The following NBEA variants were observed in gnomAD, a reference collection of about 807,000 sequenced individuals.
NBEA encodes lysosomal-trafficking regulator 2.
Under a neutral mutation model 343.4 loss-of-function variants are expected in NBEA, and 44 were observed. The ratio of observed to expected loss-of-function variants is 0.13; its 90% CI spans 0.10 to 0.16. NBEA has a LOEUF of 0.16. NBEA is among the 10% of genes least tolerant of loss of function. The pLI, the probability that NBEA is intolerant of heterozygous loss-of-function variation, is 1.00. For synonymous variants in NBEA, 1,175 were observed against 1,238.7 expected, an observed-to-expected ratio of 0.95 and a Z score of 1.08; for missense variants, 2,555 against 3,631.3, an observed-to-expected ratio of 0.70 and a Z score of 7.62.
Position 35,195,947 on chromosome 13 carries a change from C to A in NBEA, c.5011C>A (p.Pro1671Thr), listed in dbSNP as rs772827699. ...AGATATTCAGGTAGAAAGTTCAATT[C>A]CCCATACAGATTCAGGAATTGGAGA... ...GEDIQVESSIPHTDSGIGEEQ... is the reference protein window; with the variant it reads ...GEDIQVESSITHTDSGIGEEQ... The change falls in exon 31 of 59, where the codon CCC becomes ACC. Residue 1671 changes from proline (P) to threonine (T), a missense_variant. Pro to Thr is a conservative substitution (Grantham distance 38). This residue lies in a region of NBEA where 270 missense variants were observed against 293.3 expected (regional missense o/e 0.92). Coordinates refer to ENST00000379939, the MANE Select transcript of NBEA (RefSeq NM_001385012.1). The A allele has an allele frequency of 3.1e-6, 5 of 1,613,468 alleles. No individual in the cohort carries two copies. The South Asian group carries it at 4.4e-5, about 14-fold the overall frequency.
chr13:35,130,453 A>G (rs2067356145), intron 17 of NBEA, among the ~76,000 whole-genome samples: 1 of 152,086 alleles, frequency 6.6e-6, no homozygotes, highest in Admixed American at 6.6e-5. Context: ...ATATATAAAA[A>G]TAAACTTTAA....
At chr13:35,063,413 T>A (rs1395078192) in intron 8 of NBEA, among the ~76,000 whole-genome samples, 1 of 151,896 alleles carries the variant, frequency 6.6e-6, no homozygotes, top group African/African-American at 2.4e-5. Context: ...GCTAGCCAAG[T>A]GGATATACGG....
At chr13:35,640,571 T>G (rs533531456) in intron 49 of NBEA, among the ~76,000 whole-genome samples, 1 of 152,326 alleles carries the variant, frequency 6.6e-6, no homozygotes, top group Admixed American at 6.5e-5. Context: ...GGGACTCCCA[T>G]GAAGATGTCA....
At chr13:35,362,585 G>A (rs2040871847) in intron 38 of NBEA, among the ~76,000 whole-genome samples, 1 of 151,892 alleles carries the variant, frequency 6.6e-6, no homozygotes, top group East Asian at 1.9e-4. Flanking sequence ...CAGTAACACC[G>A]TGAGATCTAA....
chr13:35,246,477 C>G (rs1228744490), intron 34 of NBEA, among the ~76,000 whole-genome samples: 1 of 152,184 alleles, frequency 6.6e-6, no homozygotes, highest in Non-Finnish European at 1.5e-5. Flanking sequence ...CCACGCGGTG[C>G]TCCCTTGATG....
chr13:35,343,213 T>G (rs1458212479), intron 36 of NBEA, among the ~76,000 whole-genome samples: 3 of 152,044 alleles, frequency 2.0e-5, no homozygotes, highest in Non-Finnish European at 4.4e-5. Context: ...CATCCTAAAT[T>G]CATGTATTTC....
chr13:35,670,031 T>C (rs2085535301), intron 58 of NBEA, among the ~76,000 whole-genome samples: 1 of 152,228 alleles, frequency 6.6e-6, no homozygotes, highest in Non-Finnish European at 1.5e-5. Context: ...TTTAACCTCA[T>C]CCTTGGTTTT....
intron 33 of NBEA, among the ~76,000 whole-genome samples, chr13:35,219,857 A>G (rs529053438): frequency 2.6e-5 from 4 of 152,216 alleles, no homozygotes; most frequent in African/African-American, 9.6e-5. Flanking sequence ...CATATCTTCA[A>G]CTGACTAGAT....
chr13:35,257,721 T>G (rs1421710203), intron 34 of NBEA, among the ~76,000 whole-genome samples: 2 of 152,210 alleles, frequency 1.3e-5, no homozygotes, highest in Non-Finnish European at 2.9e-5. Context: ...ATTTCCTGCT[T>G]TTTAAAATGT....
At chr13:35,163,739 C>T (rs1158999920) in intron 23 of NBEA, among the ~76,000 whole-genome samples, 3 of 151,474 alleles carry the variant, frequency 2.0e-5, no homozygotes, top group Non-Finnish European at 4.4e-5. Flanking sequence ...GAGATTTTTT[C>T]CTTTTCTTAT....
rs372313627 is a variant in NBEA, at chr13:35,404,659, C to T, written c.6180-27610C>T. On this transcript the variant is annotated intron_variant, in intron 38 of 58. Coordinates refer to ENST00000379939, the MANE Select transcript of NBEA (RefSeq NM_001385012.1). ...AGGAGATATACCTAATGCTAAATGA[C>T]GAGTTAATGGGTGCAGCACACCAGC... is the stretch of plus-strand genomic sequence containing the variant. Among the ~76,000 whole-genome samples, 107 of 147,180 alleles carry T rather than the reference C, an allele frequency of 7.3e-4. 1 individual carries two copies. The East Asian group carries it at 0.02, about 27-fold the overall frequency.
chr13:35,113,424 A>G (rs1566305140), intron 13 of NBEA, among the ~76,000 whole-genome samples: 1 of 152,168 alleles, frequency 6.6e-6, no homozygotes, highest in African/African-American at 2.4e-5. Context: ...TTGAAACTAT[A>G]TAAATAGCCT....
At chr13:35,413,360 G>A (rs913897367) in intron 38 of NBEA, among the ~76,000 whole-genome samples, 1 of 151,988 alleles carries the variant, frequency 6.6e-6, no homozygotes, top group African/African-American at 2.4e-5. Context: ...TGTATTTTTT[G>A]TGTGTATTTA....
At chr13:35,279,492 A>T (rs1311192648) in intron 34 of NBEA, among the ~76,000 whole-genome samples, 1 of 152,238 alleles carries the variant, frequency 6.6e-6, no homozygotes, top group Non-Finnish European at 1.5e-5. Context: ...TTGAATGATC[A>T]GGATAAACCC....
At chr13:35,507,139 T>C (rs1009037596) in intron 41 of NBEA, among the ~76,000 whole-genome samples, 1 of 152,160 alleles carries the variant, frequency 6.6e-6, no homozygotes, top group African/African-American at 2.4e-5. Context: ...CTCTATTCTA[T>C]TTACATAATT....
At chr13:35,624,539 T>C (rs562594805) in intron 48 of NBEA, among the ~76,000 whole-genome samples, 1 of 152,228 alleles carries the variant, frequency 6.6e-6, no homozygotes, top group African/African-American at 2.4e-5. Flanking sequence ...TCTTTTGATA[T>C]ATCTATGCAC....
At chr13:35,240,749 T>A (rs1200837051) in intron 34 of NBEA, among the ~76,000 whole-genome samples, 3 of 151,932 alleles carry the variant, frequency 2.0e-5, no homozygotes, top group Non-Finnish European at 3.0e-5. Flanking sequence ...GCAAAGTGAT[T>A]ATCATAAAAA....
intron 1 of NBEA, among the ~76,000 whole-genome samples, chr13:34,989,714 G>C (rs1240784441): frequency 6.6e-6 from 1 of 150,690 alleles, no homozygotes; most frequent in South Asian, 2.1e-4. Context: ...CACAGTCATG[G>C]CTTCCAAACA....
At position 35,309,477 on chromosome 13, in the gene NBEA, C is replaced by G. The variant is rs1594162303; in HGVS notation, c.5839-51C>G. 30 of 1,025,728 alleles carry G rather than the reference C, an allele frequency of 2.9e-5. No individual in the cohort carries two copies. The East Asian group carries it at 7.6e-4, about 26-fold the overall frequency. 63.5% of individuals were successfully genotyped at this position (1,025,728 alleles called of 1,614,324 possible). A position where few individuals can be genotyped will look rare whatever the true frequency, so the allele number is the denominator to read the frequency against. ...AACATGATCCTTAAACCAGAAGTTA[C>G]TTTCATTAAGTGTTCACTTTTCTCA... On this transcript the variant is annotated intron_variant, in intron 35 of 58. Transcript: ENST00000379939.
Sources: gnomAD v4.1 joint callset for allele counts (sites outside exome capture counted in the v4.1 genomes callset) on GRCh38, gnomAD v4.1.1 for gene constraint, gnomAD v4.1.1 regional missense constraint, MANE v1.5 for transcripts, NCBI Gene and HGNC (gene_info 2026-07-23, HGNC 2026-07-21) for gene names.